Variants in SCG3 observed in about 807,000 individuals in gnomAD.
SCG3 encodes the protein secretogranin-3.
A neutral mutation model predicts 56.2 loss-of-function variants in SCG3; 38 were observed. That is an observed-to-expected ratio of 0.68 (90% CI 0.52 to 0.89). The LOEUF (loss-of-function observed/expected upper bound fraction) is 0.89, where lower values mean the gene tolerates loss of function less well. Among genes scored for constraint, SCG3 ranks in the 40% least tolerant of loss-of-function variants. The pLI is 0.00. For missense variants in SCG3, 524 were observed against 540.7 expected (o/e 0.97, Z 0.31); for synonymous variants, 176 against 184.2 (o/e 0.96, Z 0.36).
chr15:51,690,413 C>A (rs1203900466), intron 6 of SCG3, among the ~76,000 whole-genome samples: 1 of 152,228 alleles, frequency 6.6e-6, no homozygotes, highest in African/African-American at 2.4e-5. Flanking sequence ...TGTAAAGCAC[C>A]CAGACCCATG....
intron 4 of SCG3, among the ~76,000 whole-genome samples, chr15:51,687,099 G>A (rs76577349): frequency 0.021 from 3,230 of 152,268 alleles, 92 homozygotes; most frequent in East Asian, 0.095. Flanking sequence ...TTTTCTCTAG[G>A]AGATAATTGC....
chr15:51,700,501 G>C (rs1434270597), intron 9 of SCG3, among the ~76,000 whole-genome samples: 1 of 152,194 alleles, frequency 6.6e-6, no homozygotes, highest in Non-Finnish European at 1.5e-5. Context: ...GGGAGCAAGA[G>C]TTTCTCTCTT....
At chr15:51,692,088 G>A in intron 6 of SCG3, 71 bp from the exon 7 acceptor site, 4 of 1,425,980 alleles carry the variant, frequency 2.8e-6, no homozygotes, top group Non-Finnish European at 3.8e-6. Context: ...CATCACAAAG[G>A]AAGGAATCAA....
At chr15:51,709,143 C>G (rs1337387283) in intron 10 of SCG3, among the ~76,000 whole-genome samples, 1 of 152,292 alleles carries the variant, frequency 6.6e-6, no homozygotes, top group East Asian at 1.9e-4. Flanking sequence ...GAAGGGGAAA[C>G]AAACAAGTCC....
chr15:51,684,741 C>A (rs770581265), intron 4 of SCG3, among the ~76,000 whole-genome samples: 5 of 152,186 alleles, frequency 3.3e-5, no homozygotes, highest in Non-Finnish European at 5.9e-5. Context: ...ATTTTACCTT[C>A]ATAAGTGTGA....
At chr15:51,692,540 TG>T (rs2055274501) in intron 7 of SCG3, among the ~76,000 whole-genome samples, 1 of 152,200 alleles carries the variant, frequency 6.6e-6, no homozygotes, top group East Asian at 1.9e-4. Context: ...GTGATGTTTC[TG>T]GATAATTTAA....
intron 10 of SCG3, among the ~76,000 whole-genome samples, chr15:51,706,895 T>C (rs958036243): frequency 6.6e-6 from 1 of 152,216 alleles, no homozygotes; most frequent in Non-Finnish European, 1.5e-5. Context: ...TTTTTAAATG[T>C]TGGTCTAGTT....
chr15:51,688,518 G>A (rs746212447), intron 5 of SCG3, 116 bp downstream of exon 5: 59 of 870,690 alleles, frequency 6.8e-5, no homozygotes, highest in Non-Finnish European at 9.7e-5. Context: ...CTTCTACTAG[G>A]ACCCGTAGGT....
At position 51,689,321 on chromosome 15, in the gene SCG3, C is replaced by G. The variant is rs1439662744; in HGVS notation, c.643C>G (p.Pro215Ala). 1 of 1,613,774 alleles carries G rather than the reference C, an allele frequency of 6.2e-7. No homozygotes were observed. The highest frequency in any genetic ancestry group is 8.5e-7 in the Non-Finnish European group (1 of 1,179,930). The change falls in exon 6 of 12, where the codon CCC becomes GCC. Residue 215 changes from proline (P) to alanine (A), a missense_variant. Physicochemically the swap from Pro to Ala is conservative, Grantham distance 27. Coordinates refer to ENST00000220478, the MANE Select transcript of SCG3 (RefSeq NM_013243.4). ...ANNYEEDPNK[P>A]TSWTENQAGK... ...CAATTATGAGGAGGATCCCAATAAGCCCACAAGCTGGACTGAGAATCAGGC... is the reference window on the plus strand; with the variant it reads ...CAATTATGAGGAGGATCCCAATAAGGCCACAAGCTGGACTGAGAATCAGGC...
At chr15:51,698,639 G>A (rs930817779) in intron 8 of SCG3, among the ~76,000 whole-genome samples, 3 of 152,146 alleles carry the variant, frequency 2.0e-5, no homozygotes, top group Admixed American at 6.5e-5. Flanking sequence ...TTGGGTTTGC[G>A]AATTCCACCA....
intron 8 of SCG3, among the ~76,000 whole-genome samples, chr15:51,696,365 C>T (rs2055303671): frequency 6.6e-6 from 1 of 152,062 alleles, no homozygotes; most frequent in Admixed American, 6.6e-5. Flanking sequence ...GCTTGGCCAA[C>T]ATGGTGAAAT....
chr15:51,684,163 A>G (rs1595826843), intron 4 of SCG3, among the ~76,000 whole-genome samples: 1 of 152,248 alleles, frequency 6.6e-6, no homozygotes. Flanking sequence ...TCAAATTCTA[A>G]TCTGCCAAAA....
At chr15:51,718,029 G>A (rs2055469374) in intron 11 of SCG3, among the ~76,000 whole-genome samples, 1 of 152,158 alleles carries the variant, frequency 6.6e-6, no homozygotes, top group Non-Finnish European at 1.5e-5. Flanking sequence ...GTGAAAGGAG[G>A]GCAGGTCAGA....
At chr15:51,696,089 T>C (rs1291438389) in intron 8 of SCG3, 98 bp downstream of exon 8, 2 of 747,538 alleles carry the variant, frequency 2.7e-6, no homozygotes, top group Non-Finnish European at 4.7e-6. Flanking sequence ...TGATAATTTA[T>C]GCCAAAGCTT....
chr15:51,714,580 C>T (rs1256884682), intron 11 of SCG3, among the ~76,000 whole-genome samples: 4 of 152,198 alleles, frequency 2.6e-5, no homozygotes, highest in Non-Finnish European at 1.5e-5. Context: ...TCCAAATCAC[C>T]TGGGGAACTT....
In SCG3 at chr15:51,689,293, C is replaced by A. The variant is rs142654979; in HGVS notation, c.615C>A (p.Ala205=). The A allele has an allele frequency of 7.4e-6, 12 of 1,613,588 alleles. No homozygotes were observed. The African/African-American group carries it at 1.5e-4, about 20-fold the overall frequency. The change falls in exon 6 of 12, where the codon GCC becomes GCA. Residue 205 remains alanine (A), a synonymous_variant. Coordinates refer to ENST00000220478, the MANE Select transcript of SCG3 (RefSeq NM_013243.4). ...TACAAAAATTAATCTCAAAGGAAGC[C>A]AACAATTATGAGGAGGATCCCAATA... ...EVLQKLISKE[A]NNYEEDPNKP... is the part of the protein sequence containing the mutation.
intron 10 of SCG3, among the ~76,000 whole-genome samples, chr15:51,707,172 C>T (rs2055381602): frequency 6.6e-6 from 1 of 152,100 alleles, no homozygotes; most frequent in South Asian, 2.1e-4. Flanking sequence ...CCCATAAACT[C>T]ATTCCAGTGC....
chr15:51,711,696 G>T (rs1326310055), intron 10 of SCG3, among the ~76,000 whole-genome samples: 1 of 152,154 alleles, frequency 6.6e-6, no homozygotes, highest in Non-Finnish European at 1.5e-5. Context: ...TGTTGTGCAG[G>T]CTGGTCTTGA....
At chr15:51,698,863 C>G (rs921693709) in intron 8 of SCG3, among the ~76,000 whole-genome samples, 2 of 152,188 alleles carry the variant, frequency 1.3e-5, no homozygotes, top group Non-Finnish European at 2.9e-5. Context: ...TAGGCTCCTC[C>G]TTGAATTATA....
Sources: gnomAD v4.1 joint callset for allele counts (sites outside exome capture counted in the v4.1 genomes callset) on GRCh38, gnomAD v4.1.1 for gene constraint, MANE v1.5 for transcripts, NCBI Gene and HGNC (gene_info 2026-07-23, HGNC 2026-07-21) for gene names.